SH2D4B: variants seen among roughly 807,000 people sequenced by gnomAD.
The protein encoded by SH2D4B is SH2 domain containing 4B.
In SH2D4B, 45 loss-of-function variants were observed where a neutral mutation model predicts 61.5. The observed-to-expected ratio is 0.73, with a 90% CI of 0.58 to 0.94. The LOEUF (loss-of-function observed/expected upper bound fraction) is 0.94. Ranked by LOEUF, SH2D4B falls within the 40% of genes least tolerant of loss-of-function variation. The pLI, the probability that SH2D4B is intolerant of heterozygous loss-of-function variation, is 0.00. For synonymous variants in SH2D4B, 224 were observed against 220.4 expected (o/e 1.02, Z -0.14); for missense variants, 572 against 574.2 (o/e 1.00, Z 0.04).
At chr10:80,599,744 G>A (rs1187882414) in intron 4 of SH2D4B, among the ~76,000 whole-genome samples, 1 of 152,096 alleles carries the variant, frequency 6.6e-6, no homozygotes, top group African/African-American at 2.4e-5. Flanking sequence ...TGCTTACCTC[G>A]TCTTGAGTGC....
Position 80,634,397 on chromosome 10 carries a change from G to A in SH2D4B, c.1101G>A (p.Gln367=). 1.3e-6 allele frequency: 2 copies of A among 1,550,628 alleles called. No individual in the cohort carries two copies. The highest frequency in any genetic ancestry group is 1.7e-6 in the Non-Finnish European group (2 of 1,146,974). ...IWGYTLSYRL[Q]KGFKHFLVDA... is the part of the protein sequence containing the mutation. ...GTTACACCCTCTCCTACCGCCTGCA[G>A]AAAGGGTTCAAACACTTTCTTGTGG... is the stretch of plus-strand genomic sequence containing the variant. Residue 367 remains glutamine (Q), a synonymous_variant, in exon 7 of 8, where the codon CAG becomes CAA. Coordinates refer to ENST00000646907, the MANE Select transcript of SH2D4B (RefSeq NM_001388272.1).
chr10:80,554,515 G>A (rs923832735), intron 1 of SH2D4B, among the ~76,000 whole-genome samples: 5 of 152,116 alleles, frequency 3.3e-5, no homozygotes, highest in African/African-American at 7.2e-5. Flanking sequence ...TGTGGGGCTT[G>A]TCAAGTCTGA....
intron 6 of SH2D4B, among the ~76,000 whole-genome samples, chr10:80,630,622 T>G (rs374294230): frequency 6.6e-6 from 1 of 152,100 alleles, no homozygotes; most frequent in Non-Finnish European, 1.5e-5. Flanking sequence ...GCTATAGGCT[T>G]TGTGGTTTTG....
chr10:80,569,120 C>T (rs552934372), intron 1 of SH2D4B, among the ~76,000 whole-genome samples: 1 of 152,326 alleles, frequency 6.6e-6, no homozygotes, highest in South Asian at 2.1e-4. Context: ...TGAGAAATCT[C>T]AGTGGCTGAA....
chr10:80,578,297 G>A (rs1157052294), intron 3 of SH2D4B, among the ~76,000 whole-genome samples: 1 of 152,122 alleles, frequency 6.6e-6, no homozygotes, highest in Non-Finnish European at 1.5e-5. Flanking sequence ...TTGCTTGTAG[G>A]AATGTACCAA....
At chr10:80,578,824 A>G (rs1842155073) in intron 3 of SH2D4B, among the ~76,000 whole-genome samples, 1 of 152,240 alleles carries the variant, frequency 6.6e-6, no homozygotes, top group East Asian at 1.9e-4. Context: ...GCCAATGAGC[A>G]AGGGTCTGGA....
rs1407257345 is a variant in SH2D4B, at chr10:80,586,756, T to G, written c.496-1874T>G. Among the ~76,000 whole-genome samples the G allele has an allele frequency of 1.6e-4, 24 of 152,250 alleles. No homozygotes were observed. In the East Asian group the frequency reaches 4.4e-3, roughly 28 times the overall value. ...CCCCTTGCCGCTGTGGAAGCTTTGT[T>G]TTTTCACTCTTTACAATAAATCTTG... On this transcript the variant is annotated intron_variant, in intron 3 of 7. Coordinates refer to ENST00000646907, the MANE Select transcript of SH2D4B (RefSeq NM_001388272.1).
rs201832278 is a variant in SH2D4B, at chr10:80,642,827, A to T, written c.1210-1166A>T. 2.0e-5 allele frequency among the ~76,000 whole-genome samples: 3 copies of T among 152,326 alleles called. No individual in the cohort carries two copies. The East Asian group carries it at 5.8e-4, about 29-fold the overall frequency. On this transcript the variant is annotated intron_variant, in intron 7 of 7. Transcript: ENST00000646907. Reference sequence around the variant, plus strand: ...AGAGAAGAGTATGCACATTTTAATTAGAAAAGATCTGCCAGATTGCCCTCC... The same window carrying T: ...AGAGAAGAGTATGCACATTTTAATTTGAAAAGATCTGCCAGATTGCCCTCC...
At chr10:80,628,859 G>A (rs925715225) in intron 6 of SH2D4B, among the ~76,000 whole-genome samples, 14 of 151,648 alleles carry the variant, frequency 9.2e-5, no homozygotes, top group South Asian at 2.1e-4. Flanking sequence ...GTGAAAGCCC[G>A]TCTCTACTAA....
chr10:80,546,305 C>T (rs1841680011), intron 1 of SH2D4B, among the ~76,000 whole-genome samples: 1 of 152,084 alleles, frequency 6.6e-6, no homozygotes, highest in Non-Finnish European at 1.5e-5. Flanking sequence ...GCCTTGGCCT[C>T]CTAAAGTGCT....
intron 5 of SH2D4B, 123 bp from the exon 6 acceptor site, chr10:80,609,301 C>G: frequency 1.0e-6 from 1 of 955,958 alleles, no homozygotes; most frequent in Non-Finnish European, 1.5e-6. Flanking sequence ...TTCTTCCACC[C>G]CCCCTTCCTC....
chr10:80,541,313 T>C (rs1469278430), intron 1 of SH2D4B, among the ~76,000 whole-genome samples: 1 of 152,234 alleles, frequency 6.6e-6, no homozygotes, highest in Non-Finnish European at 1.5e-5. Context: ...TGTTATCTTG[T>C]TGTTTCTTTG....
At chr10:80,546,774 G>A (rs191523462) in intron 1 of SH2D4B, among the ~76,000 whole-genome samples, 3,278 of 152,050 alleles carry the variant, frequency 0.022, 45 homozygotes, top group Middle Eastern at 0.049. Flanking sequence ...TGATCCGTCC[G>A]CCTCGGCCTC....
intron 1 of SH2D4B, among the ~76,000 whole-genome samples, chr10:80,549,731 C>G (rs908423101): frequency 6.6e-6 from 1 of 152,174 alleles, no homozygotes; most frequent in Non-Finnish European, 1.5e-5. Flanking sequence ...TGAGGCAGCT[C>G]CACTTGCAAA....
chr10:80,541,675 A>G (rs761317732), intron 1 of SH2D4B, among the ~76,000 whole-genome samples: 10 of 141,860 alleles, frequency 7.0e-5, no homozygotes, highest in Non-Finnish European at 1.2e-4. Context: ...ATGTCCCTAC[A>G]GACAGGCAGG....
chr10:80,603,931 C>A, intron 5 of SH2D4B, 136 bp downstream of exon 5: 2 of 735,890 alleles, frequency 2.7e-6, no homozygotes, highest in Non-Finnish European at 4.4e-6. Context: ...TGGACTTCAG[C>A]CCTAGTCTAG....
At chr10:80,572,818 C>G (rs11186111) in intron 3 of SH2D4B, among the ~76,000 whole-genome samples, 8,257 of 147,002 alleles carry the variant, frequency 0.056, 594 homozygotes, top group East Asian at 0.32. Context: ...CGGGGTTTCA[C>G]CAGGTTGGTC....
At chr10:80,643,222 G>A (rs1172378961) in intron 7 of SH2D4B, among the ~76,000 whole-genome samples, 1 of 149,046 alleles carries the variant, frequency 6.7e-6, no homozygotes, top group East Asian at 2.0e-4. Flanking sequence ...CATGCTTTTG[G>A]TTTCCAGGTT....
At chr10:80,584,518 T>A (rs1327451093) in intron 3 of SH2D4B, among the ~76,000 whole-genome samples, 2 of 152,246 alleles carry the variant, frequency 1.3e-5, no homozygotes, top group Non-Finnish European at 2.9e-5. Context: ...ATACCTGTCA[T>A]ATTTTACTGA....
Sources: gnomAD v4.1 joint callset for allele counts (sites outside exome capture counted in the v4.1 genomes callset) on GRCh38, gnomAD v4.1.1 for gene constraint, MANE v1.5 for transcripts, NCBI Gene and HGNC (gene_info 2026-07-23, HGNC 2026-07-21) for gene names.